PTPRD: variants seen among roughly 807,000 people sequenced by gnomAD.
PTPRD encodes receptor-type tyrosine-protein phosphatase delta.
A neutral mutation model predicts 214.5 loss-of-function variants in PTPRD; 34 were observed. The observed-to-expected ratio is 0.16, with a 90% confidence interval of 0.12 to 0.21. The LOEUF is 0.21. Ranked by LOEUF, PTPRD falls within the 10% of genes least tolerant of loss-of-function variation. PTPRD has a pLI of 1.00. For missense variants in PTPRD, 2,545 were observed against 2,398.7 expected (o/e 1.06, Z -1.27); for synonymous variants, 1,128 against 845.7 (o/e 1.33, Z -5.79).
chr9:9,496,230 C>G (rs551141571), intron 8 of PTPRD, among the ~76,000 whole-genome samples: 6 of 152,022 alleles, frequency 3.9e-5, no homozygotes, highest in Non-Finnish European at 8.8e-5. Flanking sequence ...TAGGAGAATT[C>G]TTTAAAATTG....
At chr9:10,543,412 G>T (rs1312986995) in intron 2 of PTPRD, among the ~76,000 whole-genome samples, 1 of 151,776 alleles carries the variant, frequency 6.6e-6, no homozygotes. Flanking sequence ...TAGAATTTGT[G>T]TGTGAGTAAA....
intron 9 of PTPRD, among the ~76,000 whole-genome samples, chr9:9,275,173 T>C (rs1471550982): frequency 4.5e-5 from 2 of 44,848 alleles, no homozygotes; most frequent in African/African-American, 1.1e-4. Context: ...AACATATATA[T>C]AATATATATG....
intron 11 of PTPRD, among the ~76,000 whole-genome samples, chr9:8,988,777 T>C (rs1036516549): frequency 6.6e-6 from 1 of 152,080 alleles, no homozygotes; most frequent in African/African-American, 2.4e-5. Flanking sequence ...TTGTCTGTGT[T>C]GTGGTGTTAG....
In PTPRD at chr9:9,905,504, A is replaced by G. The variant is rs183452937; in HGVS notation, c.-368+33003T>C. Among the ~76,000 whole-genome samples, 288 of 152,100 alleles carry G rather than the reference A, an allele frequency of 1.9e-3. 3 individuals are homozygous for G. In the Middle Eastern group the frequency reaches 0.021, roughly 11 times the overall value. On this transcript the variant is annotated intron_variant, in intron 5 of 45. Coordinates refer to ENST00000381196, the MANE Select transcript of PTPRD (RefSeq NM_002839.4). Reference sequence around the variant, plus strand: ...GGCTCTACATACCTATATACTAGTTATCAAGCCAGTCAGATACTTATCTTA... The same window carrying G: ...GGCTCTACATACCTATATACTAGTTGTCAAGCCAGTCAGATACTTATCTTA...
chr9:8,934,512 TATATATAA>T (rs1349032594), intron 11 of PTPRD, among the ~76,000 whole-genome samples: 1 of 39,864 alleles, frequency 2.5e-5, no homozygotes, highest in Non-Finnish European at 4.2e-5. Flanking sequence ...TATAAATATA[TATATATAA>T]ATATATATAT....
intron 3 of PTPRD, among the ~76,000 whole-genome samples, chr9:10,182,143 C>G (rs1365687205): frequency 6.7e-6 from 1 of 148,812 alleles, no homozygotes; most frequent in African/African-American, 2.5e-5. Context: ...GCCTGTAGTC[C>G]CAGCTATTCG....
At chr9:8,799,542 G>A (rs771146858) in intron 11 of PTPRD, among the ~76,000 whole-genome samples, 11 of 152,306 alleles carry the variant, frequency 7.2e-5, no homozygotes, top group Middle Eastern at 3.4e-3. Flanking sequence ...TTACCTTGCA[G>A]ATTCCTAGTA....
At chr9:9,109,215 C>T (rs2154447796) in intron 10 of PTPRD, among the ~76,000 whole-genome samples, 1 of 152,202 alleles carries the variant, frequency 6.6e-6, no homozygotes, top group Non-Finnish European at 1.5e-5. Flanking sequence ...TTAAACCTTG[C>T]TAAGCTTGTT....
chr9:9,294,783 T>A (rs62532863), intron 9 of PTPRD, among the ~76,000 whole-genome samples: 236 of 151,790 alleles, frequency 1.6e-3, no homozygotes, highest in Non-Finnish European at 3.0e-3. Context: ...ATCTGGGTAT[T>A]TTGTTATGGT....
At chr9:9,252,302 G>A (rs2099975802) in intron 9 of PTPRD, among the ~76,000 whole-genome samples, 1 of 151,950 alleles carries the variant, frequency 6.6e-6, no homozygotes, top group African/African-American at 2.4e-5. Flanking sequence ...TTTTGTATCA[G>A]GAAGAGAAGA....
intron 3 of PTPRD, among the ~76,000 whole-genome samples, chr9:10,202,015 G>A (rs1287797272): frequency 1.3e-5 from 2 of 151,968 alleles, no homozygotes; most frequent in African/African-American, 4.8e-5. Flanking sequence ...ATTTTGAACA[G>A]TTGATCATTC....
intron 12 of PTPRD, among the ~76,000 whole-genome samples, chr9:8,674,010 A>T (rs2097346315): frequency 6.6e-6 from 1 of 152,230 alleles, no homozygotes; most frequent in South Asian, 2.1e-4. Flanking sequence ...CCAGGTGGAG[A>T]CCCACTGCAA....
At chr9:9,504,171 C>G (rs2096512190) in intron 8 of PTPRD, among the ~76,000 whole-genome samples, 1 of 151,614 alleles carries the variant, frequency 6.6e-6, no homozygotes, top group Non-Finnish European at 1.5e-5. Context: ...AGATTGTAGT[C>G]TAAGGCTTTT....
chr9:8,436,261 T>A (rs10977099), intron 35 of PTPRD, among the ~76,000 whole-genome samples: 9,834 of 152,240 alleles, frequency 0.065, 598 homozygotes, highest in East Asian at 0.26. Flanking sequence ...AGCGATCTAT[T>A]GCACAGAATG....
In PTPRD at chr9:8,950,618, T is replaced by C. The variant is rs528418851; in HGVS notation, c.-104+68079A>G. On this transcript the variant is annotated intron_variant, in intron 11 of 45. Transcript: ENST00000381196. ...TTGTATACAATAATATATAGGACTC[T>C]GTATATAATGGAGCAAGTATCCATT... is the stretch of plus-strand genomic sequence containing the variant. 7.9e-5 allele frequency among the ~76,000 whole-genome samples: 12 copies of C among 152,280 alleles called. No individual in the cohort carries two copies. The South Asian group carries it at 2.1e-3, about 26-fold the overall frequency.
chr9:8,617,232 A>G (rs2095642375), intron 14 of PTPRD, among the ~76,000 whole-genome samples: 1 of 152,110 alleles, frequency 6.6e-6, no homozygotes, highest in African/African-American at 2.4e-5. Context: ...AGAAAGAAGG[A>G]AGAGAGAGAA....
chr9:9,504,359 T>A (rs1162199821), intron 8 of PTPRD, among the ~76,000 whole-genome samples: 1 of 151,694 alleles, frequency 6.6e-6, no homozygotes, highest in Non-Finnish European at 1.5e-5. Context: ...GTCCCATTGT[T>A]CTTAGTAGAT....
intron 12 of PTPRD, among the ~76,000 whole-genome samples, chr9:8,725,884 A>G (rs190116643): frequency 6.6e-6 from 1 of 152,248 alleles, no homozygotes; most frequent in East Asian, 1.9e-4. Flanking sequence ...AAAGTCTGAG[A>G]AGATTGCTTG....
intron 2 of PTPRD, among the ~76,000 whole-genome samples, chr9:10,411,741 G>T (rs1167295007): frequency 6.6e-6 from 1 of 151,394 alleles, no homozygotes; most frequent in Admixed American, 6.6e-5. Flanking sequence ...AGTTTAATAG[G>T]ACTTTATATA....
Sources: allele counts gnomAD v4.1 joint callset (sites outside exome capture counted in the v4.1 genomes callset), GRCh38; gene constraint gnomAD v4.1.1; transcripts MANE v1.5; gene names NCBI Gene and HGNC (gene_info 2026-07-23, HGNC 2026-07-21).